Variants in ENTREP2 observed in about 807,000 individuals in gnomAD.
ENTREP2 encodes the protein endosomal transmembrane epsin interactor 2, also known as protein ENTREP2.
At chr15:29,147,370 A>G in the ENTREP2 span, among the ~76,000 whole-genome samples, 1 of 152,246 alleles carries the variant, frequency 6.6e-6, no homozygotes, top group East Asian at 1.9e-4. Context: ...TACGATGGTT[A>G]TAATTAAAAG....
At chr15:29,207,665 C>T in the ENTREP2 span, among the ~76,000 whole-genome samples, 6 of 152,260 alleles carry the variant, frequency 3.9e-5, no homozygotes, top group East Asian at 9.7e-4. Context: ...CTGATTGGTG[C>T]GTTTTACAAT....
the ENTREP2 span, among the ~76,000 whole-genome samples, chr15:29,253,145 C>T: frequency 6.6e-6 from 1 of 152,156 alleles, no homozygotes; most frequent in Non-Finnish European, 1.5e-5. Flanking sequence ...GTTCACATTT[C>T]CCTAATTGTC....
chr15:29,631,051 G>A, the ENTREP2 span, among the ~76,000 whole-genome samples: 1 of 152,222 alleles, frequency 6.6e-6, no homozygotes, highest in African/African-American at 2.4e-5. Flanking sequence ...AGCTAGTACG[G>A]AGCTCATTCA....
the ENTREP2 span, among the ~76,000 whole-genome samples, chr15:29,573,582 G>T: frequency 6.6e-6 from 1 of 151,170 alleles, no homozygotes; most frequent in Non-Finnish European, 1.5e-5. Context: ...GCTCAAACTG[G>T]CCTTTCTGGA....
the ENTREP2 span, among the ~76,000 whole-genome samples, chr15:29,472,292 G>C: frequency 6.6e-6 from 1 of 152,182 alleles, no homozygotes; most frequent in South Asian, 2.1e-4. Flanking sequence ...GGCACCAGGA[G>C]GAAAACAGCT....
the ENTREP2 span, among the ~76,000 whole-genome samples, chr15:29,586,075 C>T: frequency 1.4e-4 from 22 of 152,222 alleles, no homozygotes; most frequent in Non-Finnish European, 2.8e-4. Flanking sequence ...CTATATATCC[C>T]TCAACAGATG....
At chr15:29,649,052 A>G in the ENTREP2 span, among the ~76,000 whole-genome samples, 41 of 145,228 alleles carry the variant, frequency 2.8e-4, no homozygotes, top group African/African-American at 1.0e-3. Context: ...CAAAAGGGAC[A>G]CATGTACACA....
chr15:29,155,053 T>A, the ENTREP2 span, among the ~76,000 whole-genome samples: 1 of 150,546 alleles, frequency 6.6e-6, no homozygotes, highest in Non-Finnish European at 1.5e-5. Context: ...GAGGCCAAGG[T>A]GGGTGGATCA....
At chr15:29,485,602 C>G in the ENTREP2 span, among the ~76,000 whole-genome samples, 1 of 152,146 alleles carries the variant, frequency 6.6e-6, no homozygotes, top group Non-Finnish European at 1.5e-5. Flanking sequence ...AAAGGAAAGG[C>G]TGGGGACAGG....
the ENTREP2 span, among the ~76,000 whole-genome samples, chr15:29,531,982 G>C: frequency 6.6e-6 from 1 of 152,166 alleles, no homozygotes; most frequent in Non-Finnish European, 1.5e-5. Flanking sequence ...GCTAAACTGA[G>C]CTAATTAGCA....
chr15:29,268,545 C>T, the ENTREP2 span: 1 of 438,992 alleles, frequency 2.3e-6, no homozygotes, highest in Non-Finnish European at 4.0e-6. Flanking sequence ...TTTTACTAAG[C>T]TAGCAAAATT....
At chr15:29,285,115 C>G in the ENTREP2 span, among the ~76,000 whole-genome samples, 38 of 152,232 alleles carry the variant, frequency 2.5e-4, no homozygotes, top group African/African-American at 8.4e-4. Flanking sequence ...GGTAATTAAG[C>G]TACGTTTTCT....
chr15:29,151,705 G>A, the ENTREP2 span: 58 of 1,509,480 alleles, frequency 3.8e-5, no homozygotes, highest in African/African-American at 3.2e-4. Flanking sequence ...TTCAAACCGC[G>A]CAGAGGAGGA....
At chr15:29,453,838 G>A in the ENTREP2 span, among the ~76,000 whole-genome samples, 4 of 152,118 alleles carry the variant, frequency 2.6e-5, no homozygotes, top group Non-Finnish European at 4.4e-5. Context: ...TTGAAAGCAC[G>A]GTTTTAATGG....
At chr15:29,186,751 G>T in the ENTREP2 span, among the ~76,000 whole-genome samples, 1 of 152,108 alleles carries the variant, frequency 6.6e-6, no homozygotes, top group Non-Finnish European at 1.5e-5. Context: ...CCTCCCAGAA[G>T]GCCTCATAAA....
At chr15:29,241,140 C>T in the ENTREP2 span, among the ~76,000 whole-genome samples, 5 of 152,020 alleles carry the variant, frequency 3.3e-5, no homozygotes, top group African/African-American at 1.2e-4. Context: ...GAAATTAGTG[C>T]CTGACTATAT....
chr15:29,449,904 C>T, the ENTREP2 span, among the ~76,000 whole-genome samples: 1 of 152,128 alleles, frequency 6.6e-6, no homozygotes, highest in African/African-American at 2.4e-5. Flanking sequence ...ACAAACTCAC[C>T]GGTACCTGTT....
chr15:29,168,086 A>G, the ENTREP2 span, among the ~76,000 whole-genome samples: 1 of 152,196 alleles, frequency 6.6e-6, no homozygotes, highest in Non-Finnish European at 1.5e-5. Context: ...AAAACCAAAC[A>G]TCGTACGTTC....
the ENTREP2 span, among the ~76,000 whole-genome samples, chr15:29,148,435 G>A: frequency 6.6e-6 from 1 of 152,196 alleles, no homozygotes; most frequent in Admixed American, 6.5e-5. Context: ...AATCGGTGGA[G>A]GGTGAAGTCT....
Sources: allele counts gnomAD v4.1 joint callset (sites outside exome capture counted in the v4.1 genomes callset), GRCh38; gene constraint gnomAD v4.1.1; transcripts MANE v1.5; gene names NCBI Gene and HGNC (gene_info 2026-07-23, HGNC 2026-07-21).